STIM2: variants seen among roughly 807,000 people sequenced by gnomAD.
STIM2 encodes stromal interaction molecule 2.
STIM2 carries 31 observed loss-of-function variants against 85.8 expected under a neutral mutation model. That is an observed-to-expected ratio of 0.36 (90% confidence interval 0.27 to 0.49). The LOEUF is 0.49. Ranked by LOEUF, STIM2 falls within the 20% of genes least tolerant of loss-of-function variation. The pLI is 0.98. For missense variants in STIM2, 841 were observed against 927.6 expected (o/e 0.91, Z 1.21); for synonymous variants, 356 against 331.1 (o/e 1.08, Z -0.82).
At chr4:27,021,726 G>C in intron 11 of STIM2, 6 of 429,076 alleles carry the variant, frequency 1.4e-5, no homozygotes, top group South Asian at 1.0e-4. Flanking sequence ...TTAGGAAGCC[G>C]TTGCAATCAT....
intron 7 of STIM2, among the ~76,000 whole-genome samples, chr4:27,004,487 TTCTG>T (rs1728268509): frequency 6.6e-6 from 1 of 152,128 alleles, no homozygotes; most frequent in Non-Finnish European, 1.5e-5. Context: ...TCTGGTATAT[TTCTG>T]TCTTTCTAAA....
chr4:26,953,823 A>C (rs1336056124), intron 2 of STIM2, among the ~76,000 whole-genome samples: 2 of 152,048 alleles, frequency 1.3e-5, no homozygotes, highest in Admixed American at 1.3e-4. Flanking sequence ...TACATTCAAC[A>C]TCAGTGTGTT....
At chr4:26,981,450 T>C (rs1432217738) in intron 3 of STIM2, among the ~76,000 whole-genome samples, 1 of 152,230 alleles carries the variant, frequency 6.6e-6, no homozygotes, top group Non-Finnish European at 1.5e-5. Flanking sequence ...ACTGAAAGAT[T>C]TCTTTTTTAA....
chr4:26,896,773 T>G (rs993831802), intron 1 of STIM2, among the ~76,000 whole-genome samples: 1 of 152,226 alleles, frequency 6.6e-6, no homozygotes, highest in Non-Finnish European at 1.5e-5. Flanking sequence ...TTTCTTTGTG[T>G]ATAATTCTTT....
At chr4:26,919,126 G>GTT (rs113389815) in intron 1 of STIM2, among the ~76,000 whole-genome samples, 178 of 136,426 alleles carry the variant, frequency 1.3e-3, no homozygotes, top group African/African-American at 4.2e-3. Flanking sequence ...ATTTTTTAGT[G>GTT]TTTTTTTTTT....
intron 1 of STIM2, among the ~76,000 whole-genome samples, chr4:26,905,896 A>G (rs191976782): frequency 2.6e-5 from 4 of 152,230 alleles, no homozygotes; most frequent in African/African-American, 9.6e-5. Flanking sequence ...ATCTTAAATT[A>G]TATTGTTTTT....
At chr4:26,939,833 A>T (rs1170617761) in intron 2 of STIM2, among the ~76,000 whole-genome samples, 3 of 152,210 alleles carry the variant, frequency 2.0e-5, no homozygotes, top group Non-Finnish European at 4.4e-5. Context: ...CACTGTACTA[A>T]ATATGGGGCA....
chr4:27,003,184 T>A, intron 7 of STIM2, 80 bp downstream of exon 7: 1 of 1,345,566 alleles, frequency 7.4e-7, no homozygotes, highest in Non-Finnish European at 9.9e-7. Context: ...TTTTCTTCAG[T>A]TTCCTACATT....
chr4:26,955,536 C>G (rs2309497), intron 2 of STIM2, among the ~76,000 whole-genome samples: 4,732 of 147,806 alleles, frequency 0.032, 652 homozygotes, highest in African/African-American at 0.093. Context: ...CTTTGGTAGT[C>G]TCTACTGAAT....
At chr4:26,986,171 G>T (rs2109117706) in intron 3 of STIM2, among the ~76,000 whole-genome samples, 1 of 152,258 alleles carries the variant, frequency 6.6e-6, no homozygotes, top group Admixed American at 6.5e-5. Context: ...TATTACATCT[G>T]ATACCTACTT....
At chr4:26,961,676 A>G (rs1242668903) in intron 3 of STIM2, among the ~76,000 whole-genome samples, 3 of 152,180 alleles carry the variant, frequency 2.0e-5, no homozygotes, top group African/African-American at 2.4e-5. Context: ...TTAGCTCACT[A>G]TTATACACAG....
intron 2 of STIM2, among the ~76,000 whole-genome samples, chr4:26,928,526 T>C (rs13152367): frequency 2.0e-5 from 3 of 152,016 alleles, no homozygotes; most frequent in Non-Finnish European, 4.4e-5. Context: ...CAGATATACT[T>C]TTTTAATTTT....
chr4:27,001,633 C>T (rs1193568772), intron 5 of STIM2, among the ~76,000 whole-genome samples: 4 of 152,122 alleles, frequency 2.6e-5, no homozygotes, highest in African/African-American at 9.7e-5. Context: ...CACTAGGTGC[C>T]AGTAACCACT....
chr4:26,927,766 AATAT>A (rs1347292418), intron 2 of STIM2, among the ~76,000 whole-genome samples: 3 of 141,302 alleles, frequency 2.1e-5, no homozygotes, highest in Non-Finnish European at 3.0e-5. Flanking sequence ...TAAAAAAAAA[AATAT>A]TATTAATATA....
intron 3 of STIM2, among the ~76,000 whole-genome samples, chr4:26,964,375 T>C (rs1726627402): frequency 6.6e-6 from 1 of 152,202 alleles, no homozygotes; most frequent in African/African-American, 2.4e-5. Context: ...TTTATCATCA[T>C]TGCACTAAGT....
chr4:26,955,385 A>G (rs1212887589), intron 2 of STIM2, among the ~76,000 whole-genome samples: 2 of 148,244 alleles, frequency 1.3e-5, no homozygotes, highest in Non-Finnish European at 3.0e-5. Context: ...CGTAAATGAA[A>G]CAGTTGCCAT....
At chr4:26,982,719 A>G (rs1727445659) in intron 3 of STIM2, among the ~76,000 whole-genome samples, 1 of 152,168 alleles carries the variant, frequency 6.6e-6, no homozygotes. Context: ...CTACTGAGAT[A>G]TTGTTGTTCC....
In STIM2 at chr4:27,017,791, C is replaced by A; in HGVS notation, c.1570C>A (p.Pro524Thr). 6.2e-7 allele frequency: 1 copy of A among 1,614,148 alleles called. No individual in the cohort carries two copies. Among genetic ancestry groups the A allele is most frequent in the Non-Finnish European group, 8.5e-7 (1 of 1,180,028 alleles). Reference sequence around the variant, plus strand: ...ACGCCGCAGCATTGTGCCGTCCTCGCCTCAGCCTCAGCGAGCTCAGCTTGC... The same window carrying A: ...ACGCCGCAGCATTGTGCCGTCCTCGACTCAGCCTCAGCGAGCTCAGCTTGC... Residue 524 changes from proline to threonine, a missense_variant, in exon 11 of 12, where the codon CCT becomes ACT. Physicochemically the swap from Pro to Thr is conservative, Grantham distance 38. Transcript: ENST00000467087.
chr4:27,021,773 G>A (rs1728921644), intron 11 of STIM2, among the ~76,000 whole-genome samples: 1 of 152,186 alleles, frequency 6.6e-6, no homozygotes, highest in African/African-American at 2.4e-5. Flanking sequence ...GGAAGGATGG[G>A]AGCAGGGGAC....
Sources: gnomAD v4.1 joint callset for allele counts (sites outside exome capture counted in the v4.1 genomes callset) on GRCh38, gnomAD v4.1.1 for gene constraint, MANE v1.5 for transcripts, NCBI Gene and HGNC (gene_info 2026-07-23, HGNC 2026-07-21) for gene names.